CHIC1: variants seen among roughly 807,000 people sequenced by gnomAD.
The protein encoded by CHIC1 is cysteine rich hydrophobic domain 1.
Under a neutral mutation model 18.5 loss-of-function variants are expected in CHIC1, and 7 were observed. The observed-to-expected ratio is 0.38, with a 90% CI of 0.22 to 0.71. The LOEUF is 0.71. Ranked by LOEUF, CHIC1 falls within the 30% of genes least tolerant of loss-of-function variation. The pLI is 0.49. For missense variants in CHIC1, 159 were observed against 176.9 expected (o/e 0.90, Z 0.57); for synonymous variants, 77 against 73.5 (o/e 1.05, Z -0.25).
intron 3 of CHIC1, among the ~76,000 whole-genome samples, chrX:73,677,028 G>T (rs1214900930): frequency 9.0e-6 from 1 of 111,633 alleles, no homozygotes; most frequent in Non-Finnish European, 1.9e-5. Context: ...GTATCAGCAG[G>T]GGTGGCTGCA....
At chrX:73,574,616 G>T (rs1477409296) in intron 1 of CHIC1, among the ~76,000 whole-genome samples, 2 of 110,281 alleles carry the variant, frequency 1.8e-5, no homozygotes, top group African/African-American at 6.6e-5. Flanking sequence ...CTTGATATTG[G>T]TCTGTTTAGG....
chrX:73,663,557 C>T (rs930284131), intron 3 of CHIC1, among the ~76,000 whole-genome samples: 1 of 110,800 alleles, frequency 9.0e-6, no homozygotes, highest in African/African-American at 3.3e-5. Flanking sequence ...GTGTGTGCTT[C>T]CCTGACGCTG....
chrX:73,625,907 A>C (rs1369577172), intron 3 of CHIC1, among the ~76,000 whole-genome samples: 1 of 110,403 alleles, frequency 9.1e-6, no homozygotes, highest in East Asian at 2.9e-4. Flanking sequence ...CCTCTAACTC[A>C]ATCCCATCCT....
intron 3 of CHIC1, among the ~76,000 whole-genome samples, chrX:73,593,001 T>G (rs1310194758): frequency 9.0e-6 from 1 of 111,055 alleles, no homozygotes; most frequent in African/African-American, 3.3e-5. Context: ...ATAGAGGTGT[T>G]CATAATAATG....
chrX:73,635,525 T>C (rs1246875957), intron 3 of CHIC1, among the ~76,000 whole-genome samples: 2 of 111,682 alleles, frequency 1.8e-5, no homozygotes, highest in Non-Finnish European at 3.8e-5. Context: ...TTTTTTCTGA[T>C]TAAATCATCT....
At chrX:73,613,036 G>T (rs1487553677) in intron 3 of CHIC1, among the ~76,000 whole-genome samples, 3 of 111,421 alleles carry the variant, frequency 2.7e-5, no homozygotes, top group Non-Finnish European at 5.7e-5. Flanking sequence ...TATATCCTTA[G>T]GCTAAACTGA....
At chrX:73,678,755 AG>A (rs1186518658) in intron 3 of CHIC1, among the ~76,000 whole-genome samples, 4 of 112,126 alleles carry the variant, frequency 3.6e-5, no homozygotes, top group African/African-American at 1.3e-4. Context: ...TATTTTTCTA[AG>A]TATAAGTTTT....
At chrX:73,581,636 T>G (rs1370246648) in intron 2 of CHIC1, among the ~76,000 whole-genome samples, 2 of 111,293 alleles carry the variant, frequency 1.8e-5, no homozygotes, top group Non-Finnish European at 3.8e-5. Context: ...ATGCAGATTT[T>G]AGTTTATTGT....
At chrX:73,661,167 T>A (rs898339373) in intron 3 of CHIC1, among the ~76,000 whole-genome samples, 1 of 112,101 alleles carries the variant, frequency 8.9e-6, no homozygotes, top group African/African-American at 3.2e-5. Context: ...AGTTTTAATT[T>A]TTGTGGGCCG....
intron 3 of CHIC1, among the ~76,000 whole-genome samples, chrX:73,584,990 A>G (rs755968006): frequency 8.9e-6 from 1 of 111,806 alleles, no homozygotes; most frequent in Admixed American, 9.5e-5. Context: ...ACATGTTACA[A>G]TAACATGCTA....
chrX:73,673,906 G>A (rs767006431), intron 3 of CHIC1, among the ~76,000 whole-genome samples: 2 of 111,532 alleles, frequency 1.8e-5, no homozygotes, highest in East Asian at 5.7e-4. Flanking sequence ...AGCTCTTACT[G>A]TTTTGAGATA....
intron 3 of CHIC1, among the ~76,000 whole-genome samples, chrX:73,610,714 T>C (rs1435440935): frequency 9.2e-6 from 1 of 108,760 alleles, no homozygotes; most frequent in Non-Finnish European, 1.9e-5. Flanking sequence ...CCTGGAGTTT[T>C]CTTTGTTGGG....
At chrX:73,654,396 G>C (rs930361359) in intron 3 of CHIC1, among the ~76,000 whole-genome samples, 4 of 111,578 alleles carry the variant, frequency 3.6e-5, no homozygotes, top group Non-Finnish European at 7.5e-5. Flanking sequence ...ACTTGATCAT[G>C]GTATTTATCT....
intron 1 of CHIC1, among the ~76,000 whole-genome samples, chrX:73,576,573 T>C (rs1263389673): frequency 9.0e-6 from 1 of 110,667 alleles, no homozygotes; most frequent in African/African-American, 3.3e-5. Flanking sequence ...GGTGAGTACA[T>C]AGTTATTGGT....
At position 73,662,084 on chromosome X, in the gene CHIC1, T is replaced by TA. The variant is rs1040887028; in HGVS notation, c.508-17233dup. ...TAAATAAATAAATAAAAATAAATAA[T>TA]AAAAAAAAAGAAGTATGAGATAAGA... is the stretch of plus-strand genomic sequence containing the variant. On this transcript the variant is annotated intron_variant, in intron 3 of 5. Transcript: ENST00000373502. Among the ~76,000 whole-genome samples, 10 of 106,265 alleles carry TA rather than the reference T, an allele frequency of 9.4e-5. No homozygotes were observed. The South Asian group carries it at 1.6e-3, about 17-fold the overall frequency. 92.3% of individuals were successfully genotyped at this position (106,265 alleles called of 115,157 possible).
At chrX:73,573,761 T>C (rs1265309986) in intron 1 of CHIC1, among the ~76,000 whole-genome samples, 1 of 111,559 alleles carries the variant, frequency 9.0e-6, no homozygotes, top group Non-Finnish European at 1.9e-5. Context: ...TTCTACTGAC[T>C]TTTTACATTG....
chrX:73,582,689 T>G (rs1030664844), intron 2 of CHIC1, among the ~76,000 whole-genome samples: 7 of 110,496 alleles, frequency 6.3e-5, no homozygotes, highest in African/African-American at 2.3e-4. Context: ...TTATGGACTT[T>G]CTTTTTCAAA....
intron 3 of CHIC1, among the ~76,000 whole-genome samples, chrX:73,662,081 TAATA>T (rs1405277287): frequency 2.8e-5 from 3 of 107,289 alleles, no homozygotes; most frequent in Non-Finnish European, 5.8e-5. Flanking sequence ...TAAAAATAAA[TAATA>T]AAAAAAAAGA....
intron 3 of CHIC1, among the ~76,000 whole-genome samples, chrX:73,656,375 CCTGT>C (rs748766720): frequency 2.7e-5 from 3 of 111,528 alleles, no homozygotes; most frequent in East Asian, 2.8e-4. Context: ...AATGTTTGTT[CCTGT>C]CTATTTCCTG....
Sources: gnomAD v4.1 joint callset for allele counts (sites outside exome capture counted in the v4.1 genomes callset) on GRCh38, gnomAD v4.1.1 for gene constraint, MANE v1.5 for transcripts, NCBI Gene and HGNC (gene_info 2026-07-23, HGNC 2026-07-21) for gene names.